Variants in PREX2 observed in about 807,000 individuals in gnomAD.
PREX2 encodes the protein phosphatidylinositol-3,4,5-trisphosphate dependent Rac exchange factor 2.
Under a neutral mutation model 203.2 loss-of-function variants are expected in PREX2, and 107 were observed. That is an observed-to-expected ratio of 0.53 (90% confidence interval 0.45 to 0.62). The LOEUF (loss-of-function observed/expected upper bound fraction) is 0.62. PREX2 is among the 20% of genes least tolerant of loss of function. The probability of loss-of-function intolerance (pLI) is 0.00; values close to 1 mark genes in which losing one functional copy is unlikely to be tolerated. For synonymous variants in PREX2, 672 were observed against 663.6 expected, an observed-to-expected ratio of 1.01 and a Z score of -0.19; for missense variants, 1,777 against 1,955.9, an observed-to-expected ratio of 0.91 and a Z score of 1.72.
At chr8:68,048,334 A>C (rs1401627762) in intron 8 of PREX2, among the ~76,000 whole-genome samples, 2 of 152,110 alleles carry the variant, frequency 1.3e-5, no homozygotes, top group Non-Finnish European at 2.9e-5. Context: ...TCAGATCATT[A>C]GTATTCTCTC....
intron 1 of PREX2, among the ~76,000 whole-genome samples, chr8:68,003,459 C>A (rs988511676): frequency 1.3e-5 from 2 of 152,120 alleles, no homozygotes; most frequent in African/African-American, 4.8e-5. Context: ...GTACTATAGA[C>A]CAGGAAGACT....
intron 36 of PREX2, among the ~76,000 whole-genome samples, 190 bp from the exon 37 acceptor site, chr8:68,192,145 A>G (rs1363740893): frequency 6.6e-6 from 1 of 152,196 alleles, no homozygotes; most frequent in African/African-American, 2.4e-5. Context: ...AGTTAGTGCT[A>G]TTGGCTGTAT....
intron 25 of PREX2, among the ~76,000 whole-genome samples, chr8:68,110,416 T>C (rs1207523701): frequency 6.6e-6 from 1 of 152,214 alleles, no homozygotes; most frequent in Non-Finnish European, 1.5e-5. Context: ...ATGAAAATTA[T>C]ACAAATTAAT....
intron 8 of PREX2, among the ~76,000 whole-genome samples, chr8:68,046,205 C>A (rs1027437234): frequency 6.6e-6 from 1 of 152,020 alleles, no homozygotes; most frequent in Non-Finnish European, 1.5e-5. Context: ...CCCCTTATGT[C>A]CCACTTTCTC....
intron 1 of PREX2, among the ~76,000 whole-genome samples, chr8:67,958,251 C>T (rs1050205084): frequency 2.0e-5 from 3 of 152,200 alleles, no homozygotes; most frequent in Non-Finnish European, 2.9e-5. Context: ...AGCAAAGTCA[C>T]GTGGAGGCAG....
At chr8:68,150,577 C>T (rs1372198276) in intron 34 of PREX2, among the ~76,000 whole-genome samples, 5 of 152,174 alleles carry the variant, frequency 3.3e-5, no homozygotes, top group African/African-American at 9.7e-5. Flanking sequence ...GGGTGCCAAA[C>T]GTATTCCTTC....
At chr8:68,098,754 A>G (rs372785220) in intron 22 of PREX2, among the ~76,000 whole-genome samples, 1 of 151,890 alleles carries the variant, frequency 6.6e-6, no homozygotes, top group South Asian at 2.1e-4. Context: ...TAAGTTCTAG[A>G]CTAGTGATTA....
intron 37 of PREX2, among the ~76,000 whole-genome samples, chr8:68,196,415 T>G (rs896419511): frequency 6.8e-6 from 1 of 147,490 alleles, no homozygotes; most frequent in Non-Finnish European, 1.5e-5. Flanking sequence ...GCTTTATATA[T>G]TATATATATG....
chr8:68,161,502 G>C (rs1811652938), intron 35 of PREX2, among the ~76,000 whole-genome samples: 1 of 152,036 alleles, frequency 6.6e-6, no homozygotes, highest in Admixed American at 6.5e-5. Flanking sequence ...TTAATGTTAA[G>C]TTTTTAGAAA....
chr8:68,158,814 A>G (rs1302420471), intron 35 of PREX2, among the ~76,000 whole-genome samples: 3 of 152,136 alleles, frequency 2.0e-5, no homozygotes, highest in Admixed American at 6.6e-5. Flanking sequence ...TTGATCAAAA[A>G]TCTTTCTTCT....
At chr8:68,098,221 T>C (rs888340346) in intron 22 of PREX2, among the ~76,000 whole-genome samples, 8 of 152,212 alleles carry the variant, frequency 5.3e-5, no homozygotes, top group Non-Finnish European at 1.0e-4. Context: ...AATTCAGATA[T>C]CACAAGTAAG....
chr8:68,127,987 T>G (rs1810929732), intron 31 of PREX2, among the ~76,000 whole-genome samples: 1 of 152,158 alleles, frequency 6.6e-6, no homozygotes, highest in Non-Finnish European at 1.5e-5. Context: ...GGCATATAGA[T>G]ATTCAACAAA....
intron 4 of PREX2, among the ~76,000 whole-genome samples, chr8:68,023,179 G>A (rs1274335867): frequency 1.3e-5 from 2 of 152,228 alleles, no homozygotes; most frequent in African/African-American, 2.4e-5. Context: ...TGTATGATAA[G>A]CTCATATTTA....
intron 25 of PREX2, among the ~76,000 whole-genome samples, chr8:68,111,591 C>G (rs920954633): frequency 6.6e-6 from 1 of 152,146 alleles, no homozygotes; most frequent in African/African-American, 2.4e-5. Context: ...CTAAAAACCT[C>G]TACCCAACTG....
rs185085217 is a variant in PREX2, at chr8:68,158,688, G to A, written c.4346+1252G>A. The stretch of plus-strand genomic sequence containing the variant: ...CAGTTTCAAGAGATAAATACATAGC[G>A]CAAAGGGACTAGGAGGATGTAATTG... On this transcript the variant is annotated intron_variant, in intron 35 of 39. Coordinates refer to ENST00000288368, the MANE Select transcript of PREX2 (RefSeq NM_024870.4). Among the ~76,000 whole-genome samples, 136 of 152,200 alleles carry A rather than the reference G, an allele frequency of 8.9e-4. 1 individual carries two copies. The highest frequency in any genetic ancestry group is 2.9e-3 in the African/African-American group (121 of 41,548).
intron 23 of PREX2, chr8:68,106,348 G>A (rs1036774054): frequency 7.8e-6 from 4 of 510,260 alleles, no homozygotes; most frequent in South Asian, 1.4e-5. Flanking sequence ...CCAAGTCACC[G>A]TTTCTTTATT....
chr8:67,991,156 A>G (rs111751512), intron 1 of PREX2, among the ~76,000 whole-genome samples: 3,538 of 152,282 alleles, frequency 0.023, 131 homozygotes, highest in African/African-American at 0.078. Context: ...CCCATAAACT[A>G]GTTATTATAC....
chr8:67,965,581 A>G (rs2129018009), intron 1 of PREX2, among the ~76,000 whole-genome samples: 1 of 152,196 alleles, frequency 6.6e-6, no homozygotes, highest in South Asian at 2.1e-4. Context: ...GTATGTCTGC[A>G]TTCAGTGGAT....
intron 32 of PREX2, among the ~76,000 whole-genome samples, chr8:68,137,839 C>A (rs79486374): frequency 2.6e-5 from 4 of 152,232 alleles, no homozygotes; most frequent in Non-Finnish European, 4.4e-5. Flanking sequence ...CTGTTACTCA[C>A]AAGATTCTAG....
Sources: allele counts gnomAD v4.1 joint callset (sites outside exome capture counted in the v4.1 genomes callset), GRCh38; gene constraint gnomAD v4.1.1; transcripts MANE v1.5; gene names NCBI Gene and HGNC (gene_info 2026-07-23, HGNC 2026-07-21).